RARS1: variants seen among roughly 807,000 people sequenced by gnomAD.
RARS1 encodes the protein arginyl-tRNA synthetase 1.
Under a neutral mutation model 78.7 loss-of-function variants are expected in RARS1, and 75 were observed. That is an observed-to-expected ratio of 0.95 (90% confidence interval 0.79 to 1.15). RARS1 has a LOEUF of 1.15. RARS1 is among the 50% of genes most tolerant of loss of function. RARS1 has a pLI of 0.00. For synonymous variants in RARS1, 273 were observed against 268.2 expected (o/e 1.02, Z -0.18); for missense variants, 787 against 787.5 (o/e 1.00, Z 0.01).
chr5:168,515,621 T>C (rs17633878), intron 12 of RARS1, among the ~76,000 whole-genome samples: 19,825 of 152,294 alleles, frequency 0.13, 1,726 homozygotes, highest in Non-Finnish European at 0.19. Context: ...ATCTTGACCC[T>C]GTTTGTATTG....
intron 3 of RARS1, among the ~76,000 whole-genome samples, chr5:168,493,631 C>T (rs1293104774): frequency 1.4e-5 from 1 of 70,504 alleles, no homozygotes; most frequent in African/African-American, 6.2e-5. Flanking sequence ...GAGACTCCAT[C>T]TCAAAAAAAA....
chr5:168,501,279 C>T (rs1238642966), intron 8 of RARS1, among the ~76,000 whole-genome samples: 2 of 152,204 alleles, frequency 1.3e-5, no homozygotes, highest in African/African-American at 2.4e-5. Flanking sequence ...TTTATAATTA[C>T]AGTAAGTAAT....
At chr5:168,505,462 C>T (rs532165991) in intron 9 of RARS1, among the ~76,000 whole-genome samples, 88 of 152,268 alleles carry the variant, frequency 5.8e-4, no homozygotes, top group African/African-American at 1.9e-3. Flanking sequence ...CTTTTCAGCA[C>T]GCTGTTAGAG....
At chr5:168,495,065 C>T (rs1344844140) in intron 5 of RARS1, 1 of 513,334 alleles carries the variant, frequency 1.9e-6, no homozygotes. Context: ...ACACAGATAT[C>T]ACTGAAATAG....
intron 14 of RARS1, 118 bp downstream of exon 14, chr5:168,518,180 C>T: frequency 1.6e-6 from 2 of 1,223,082 alleles, no homozygotes; most frequent in Non-Finnish European, 2.1e-6. Flanking sequence ...AACTTCTGGC[C>T]TCAAGTGATT....
intron 6 of RARS1, 70 bp from the exon 7 acceptor site, chr5:168,497,158 A>G: frequency 1.7e-6 from 2 of 1,178,834 alleles, no homozygotes; most frequent in Non-Finnish European, 2.3e-6. Flanking sequence ...AATGGAATAT[A>G]GTTCCTCTAA....
In RARS1 at chr5:168,493,937, C is replaced by G; in HGVS notation, c.413C>G (p.Ala138Gly). 6.2e-7 allele frequency: 1 copy of G among 1,613,516 alleles called. No individual in the cohort carries two copies. Among genetic ancestry groups the G allele is most frequent in the Non-Finnish European group, 8.5e-7 (1 of 1,179,582 alleles). Residue 138 changes from alanine (A) to glycine (G), a missense_variant, in exon 4 of 15, where the codon GCT becomes GGT. By Grantham distance (60) the Ala-to-Gly change is moderately conservative. Coordinates refer to ENST00000231572, the MANE Select transcript of RARS1 (RefSeq NM_002887.4). ...KEQKVNPREI[A>G]ENITKHLPDN... ...CAGAAAGTTAATCCAAGAGAAATTGCTGAAAACATTACCAAACACCTCCCA... is the reference window on the plus strand; with the variant it reads ...CAGAAAGTTAATCCAAGAGAAATTGGTGAAAACATTACCAAACACCTCCCA...
At chr5:168,486,609 G>GATA in intron 1 of RARS1, 66 bp downstream of exon 1, 1 of 1,522,788 alleles carries the variant, frequency 6.6e-7, no homozygotes, top group Non-Finnish European at 8.9e-7. Flanking sequence ...TCCTGCCCAA[G>GATA]CGGCTTCGGG....
intron 11 of RARS1, among the ~76,000 whole-genome samples, chr5:168,507,587 G>A (rs1017797637): frequency 2.6e-5 from 4 of 152,218 alleles, no homozygotes; most frequent in African/African-American, 2.4e-5. Context: ...TGTTTGGCCA[G>A]CCAATGCGCA....
At chr5:168,498,122 C>G (rs4976559) in intron 7 of RARS1, 1 of 151,840 alleles carries the variant, frequency 6.6e-6, no homozygotes, top group South Asian at 2.1e-4. Context: ...TTACAGCTAC[C>G]TGGGAGACTG....
Position 168,519,125 on chromosome 5 carries a change from G to A in RARS1, c.1918G>A (p.Ala640Thr), listed in dbSNP as rs1371419113. The A allele has an allele frequency of 1.2e-6, 2 of 1,614,108 alleles. No individual in the cohort carries two copies. The highest frequency in any genetic ancestry group is 2.2e-5 in the East Asian group (1 of 44,868). The change falls in exon 15 of 15, where the codon GCA (alanine) becomes ACA (threonine). Residue 640 changes from alanine to threonine, a missense_variant. Ala to Thr is a moderately conservative substitution (Grantham distance 58). Transcript: ENST00000231572. ...VNMWRMLLCE[A>T]VAAVMAKGFD... ...CATGTGGCGTATGCTGCTATGTGAAGCAGTAGCTGCTGTCATGGCCAAGGG... is the reference window on the plus strand; with the variant it reads ...CATGTGGCGTATGCTGCTATGTGAAACAGTAGCTGCTGTCATGGCCAAGGG...
chr5:168,517,413 G>T (rs542469899), intron 13 of RARS1, among the ~76,000 whole-genome samples: 2 of 152,302 alleles, frequency 1.3e-5, no homozygotes, highest in Non-Finnish European at 2.9e-5. Context: ...AAAGTGCTCG[G>T]ATTACAGGCA....
chr5:168,490,372 A>G (rs1034111255), intron 2 of RARS1, among the ~76,000 whole-genome samples: 3 of 152,224 alleles, frequency 2.0e-5, no homozygotes, highest in Non-Finnish European at 4.4e-5. Context: ...TACAAAAGGA[A>G]GTACAGTATT....
At position 168,493,095 on chromosome 5, in the gene RARS1, T is replaced by G; in HGVS notation, c.369+248T>G. On this transcript the variant is annotated intron_variant, in intron 3 of 14. Transcript: ENST00000231572. The stretch of plus-strand genomic sequence containing the variant: ...GGGCAATCATTGGTACTCTTTTGTT[T>G]AGGTATTTCCCTCCTGCTGTGTCCA... The G allele has an allele frequency of 8.2e-6, 3 of 366,340 alleles. No individual in the cohort carries two copies. The South Asian group carries it at 1.5e-4, about 18-fold the overall frequency. The allele number at this position is 366,340 out of a possible 1,614,324, so 22.7% of individuals were successfully genotyped here. A position where few individuals can be genotyped will look rare whatever the true frequency, so the allele number is the denominator to read the frequency against.
rs1136672 is a variant in RARS1 at position 168,494,562 on chromosome 5, T to C, written c.491T>C (p.Val164Ala). Residue 164 changes from valine (V) to alanine (A), a missense_variant, in exon 5 of 15, where the codon GTC (valine) becomes GCC (alanine). By Grantham distance (64) the Val-to-Ala change is moderately conservative. Coordinates refer to ENST00000231572, the MANE Select transcript of RARS1 (RefSeq NM_002887.4). ...VEIAGPGFIN[V>A]HLRKDFVSEQ... Reference sequence around the variant, plus strand: ...TTCTATCCATTAGGTTTTATTAATGTCCACTTAAGAAAGGATTTTGTATCA... The same window carrying C: ...TTCTATCCATTAGGTTTTATTAATGCCCACTTAAGAAAGGATTTTGTATCA... 6.2e-7 allele frequency: 1 copy of C among 1,609,514 alleles called. No individual in the cohort carries two copies. Among genetic ancestry groups the C allele is most frequent in the African/African-American group, 1.3e-5 (1 of 74,956 alleles).
At chr5:168,500,057 T>C (rs1758282327) in intron 7 of RARS1, among the ~76,000 whole-genome samples, 1 of 151,882 alleles carries the variant, frequency 6.6e-6, no homozygotes, top group African/African-American at 2.4e-5. Flanking sequence ...GTGTGATGGC[T>C]TGTGCCTGTA....
rs1382466154 is a variant in RARS1 at position 168,486,530 on chromosome 5, G to C, written c.32G>C (p.Arg11Pro). 1 of 1,558,386 alleles carries C rather than the reference G, an allele frequency of 6.4e-7. No homozygotes were observed. Among genetic ancestry groups the C allele is most frequent in the Admixed American group, 2.0e-5 (1 of 51,190 alleles). ...GTACTGGTGTCTGAGTGCTCCGCGCGGCTGCTGCAGCAGGTTTGGACGCAG... is the reference window on the plus strand; with the variant it reads ...GTACTGGTGTCTGAGTGCTCCGCGCCGCTGCTGCAGCAGGTTTGGACGCAG... The part of the protein sequence containing the change: MDVLVSECSA[R>P]LLQQEEEIKS... The change falls in exon 1 of 15, where the codon CGG becomes CCG. Residue 11 changes from arginine to proline, a missense_variant. Physicochemically the swap from Arg to Pro is moderately radical, Grantham distance 103. Coordinates refer to ENST00000231572, the MANE Select transcript of RARS1 (RefSeq NM_002887.4).
intron 13 of RARS1, 79 bp from the exon 14 acceptor site, chr5:168,517,736 T>TGATTTCTGATTTACGTG: frequency 6.6e-7 from 1 of 1,520,718 alleles, no homozygotes; most frequent in Non-Finnish European, 8.8e-7. Context: ...TAATCGGTGA[T>TGATTTCTGATTTACGTG]AATTTCGAGT....
At position 168,495,340 on chromosome 5, in the gene RARS1, A is replaced by G; in HGVS notation, c.605A>G (p.Asn202Ser). 1 of 1,613,816 alleles carries G rather than the reference A, an allele frequency of 6.2e-7. No homozygotes were observed. The highest frequency in any genetic ancestry group is 8.5e-7 in the Non-Finnish European group (1 of 1,179,836). ...KKVIVDFSSPNIAKEMHVGHL... is the reference protein window; with the variant it reads ...KKVIVDFSSPSIAKEMHVGHL... ...GTTATAGTTGACTTTTCCTCCCCTA[A>G]TATAGCTAAAGAGATGCATGTAGGC... The change falls in exon 6 of 15, where the codon AAT becomes AGT. Residue 202 changes from asparagine to serine, a missense_variant. Asn to Ser is a conservative substitution (Grantham distance 46, BLOSUM62 1). Transcript: ENST00000231572.
Sources: allele counts gnomAD v4.1 joint callset (sites outside exome capture counted in the v4.1 genomes callset), GRCh38; gene constraint gnomAD v4.1.1; transcripts MANE v1.5; gene names NCBI Gene and HGNC (gene_info 2026-07-23, HGNC 2026-07-21).